NFIL3: variants seen among roughly 807,000 people sequenced by gnomAD.
The protein encoded by NFIL3 is nuclear factor interleukin-3-regulated protein.
Under a neutral mutation model 10.0 loss-of-function variants are expected in NFIL3, and 5 were observed. That is an observed-to-expected ratio of 0.50 (90% CI 0.26 to 1.06). The LOEUF is 1.06. NFIL3 is among the 50% of genes least tolerant of loss of function. The probability of loss-of-function intolerance (pLI) is 0.13; values close to 1 mark genes in which losing one functional copy is unlikely to be tolerated. For missense variants in NFIL3, 436 were observed against 547.6 expected (o/e 0.80, Z 2.03); for synonymous variants, 202 against 206.5 (o/e 0.98, Z 0.19).
chr9:91,480,043 A>T, the NFIL3 span, among the ~76,000 whole-genome samples: 1 of 150,696 alleles, frequency 6.6e-6, no homozygotes, highest in Non-Finnish European at 1.5e-5. Flanking sequence ...TGCAGAAATC[A>T]CCCACTCTCT....
At chr9:91,418,146 A>T (rs888967245) in intron 1 of NFIL3, among the ~76,000 whole-genome samples, 3 of 152,208 alleles carry the variant, frequency 2.0e-5, no homozygotes, top group African/African-American at 7.2e-5. Context: ...GAGTAAGCAC[A>T]TACACGCTAG....
the NFIL3 span, among the ~76,000 whole-genome samples, chr9:91,481,005 G>T: frequency 2.0e-5 from 3 of 152,142 alleles, no homozygotes; most frequent in Non-Finnish European, 2.9e-5. Flanking sequence ...CATGTTATTG[G>T]AGTACTTCCT....
intron 1 of NFIL3, among the ~76,000 whole-genome samples, chr9:91,412,806 C>T (rs1339489664): frequency 6.7e-6 from 1 of 149,922 alleles, no homozygotes; most frequent in African/African-American, 2.5e-5. Flanking sequence ...GAGCCAAGAT[C>T]GCGCCATTGC....
chr9:91,410,195 T>C lies in NFIL3; in HGVS notation c.540A>G (p.Lys180=). The C allele has an allele frequency of 6.2e-7, 1 of 1,614,142 alleles. No individual in the cohort carries two copies. Among genetic ancestry groups the C allele is most frequent in the Non-Finnish European group, 8.5e-7 (1 of 1,180,002 alleles). Residue 180 remains lysine, a synonymous_variant, in exon 2 of 2, where the codon AAA becomes AAG. Coordinates refer to ENST00000297689, the MANE Select transcript of NFIL3 (RefSeq NM_005384.3). The surrounding 1 kb of genome is among the most constrained non-coding windows in gnomAD (Gnocchi z 5.7). ...MVSSSCISVI[K]HSPQSSLSDV... The stretch of plus-strand genomic sequence containing the variant: ...CGGACAGCGAGCTTTGTGGAGAGTG[T>C]TTAATGACAGAAATACAACTACTTG...
At chr9:91,464,922 C>A in the NFIL3 span, among the ~76,000 whole-genome samples, 1 of 152,058 alleles carries the variant, frequency 6.6e-6, no homozygotes, top group East Asian at 1.9e-4. Flanking sequence ...TAGCGTTAAG[C>A]TGTATTTTTC....
chr9:91,429,427 A>T, the NFIL3 span, among the ~76,000 whole-genome samples: 1 of 152,216 alleles, frequency 6.6e-6, no homozygotes, highest in Non-Finnish European at 1.5e-5. Flanking sequence ...TGGCATTTGC[A>T]GCAAAGCAGC....
chr9:91,426,592 G>T (rs1833876360), upstream of NFIL3, among the ~76,000 whole-genome samples: 3 of 151,992 alleles, frequency 2.0e-5, no homozygotes, highest in South Asian at 6.2e-4. Flanking sequence ...GTGGATTGAG[G>T]GCAGGGGCAA....
the NFIL3 span, among the ~76,000 whole-genome samples, chr9:91,481,874 AAAT>A: frequency 3.9e-5 from 6 of 152,336 alleles, no homozygotes; most frequent in East Asian, 9.6e-4. Context: ...GTTTTGAAGA[AAAT>A]AATTACTAAC....
At chr9:91,457,518 C>T in the NFIL3 span, among the ~76,000 whole-genome samples, 9 of 151,922 alleles carry the variant, frequency 5.9e-5, 1 homozygote, top group African/African-American at 2.2e-4. Context: ...AGTTCAATTT[C>T]TCATTGTTCA....
upstream of NFIL3, among the ~76,000 whole-genome samples, chr9:91,428,303 T>C (rs924625383): frequency 2.0e-5 from 3 of 152,214 alleles, no homozygotes; most frequent in African/African-American, 7.2e-5. Flanking sequence ...ATTCAGATCA[T>C]TACTTCCTGG....
the NFIL3 span, among the ~76,000 whole-genome samples, chr9:91,464,253 T>C: frequency 6.6e-6 from 1 of 152,074 alleles, no homozygotes; most frequent in Non-Finnish European, 1.5e-5. Context: ...AGGTTTTAAC[T>C]GAGCATTTTA....
At chr9:91,478,220 C>G in the NFIL3 span, among the ~76,000 whole-genome samples, 25 of 152,144 alleles carry the variant, frequency 1.6e-4, no homozygotes, top group South Asian at 5.2e-3. Flanking sequence ...GGGAAGTTCT[C>G]CTGGATAATA....
chr9:91,472,895 A>G, the NFIL3 span, among the ~76,000 whole-genome samples: 1 of 152,128 alleles, frequency 6.6e-6, no homozygotes, highest in Admixed American at 6.5e-5. Flanking sequence ...TTTGGTGTGA[A>G]TGTCCTTTAT....
chr9:91,430,814 TA>T, the NFIL3 span, among the ~76,000 whole-genome samples: 1 of 152,076 alleles, frequency 6.6e-6, no homozygotes, highest in East Asian at 1.9e-4. Context: ...CCAGGCTAAT[TA>T]AAAAACATTT....
intron 1 of NFIL3, among the ~76,000 whole-genome samples, chr9:91,415,320 G>A (rs1189245353): frequency 6.6e-6 from 1 of 152,140 alleles, no homozygotes; most frequent in Non-Finnish European, 1.5e-5. Context: ...ACCACAGAAT[G>A]GGCACTGGGA....
chr9:91,422,284 A>C (rs1022976136), intron 1 of NFIL3, among the ~76,000 whole-genome samples: 1 of 152,196 alleles, frequency 6.6e-6, no homozygotes, highest in African/African-American at 2.4e-5. Flanking sequence ...TTGAACTTGT[A>C]TTTGCACACA....
the NFIL3 span, among the ~76,000 whole-genome samples, chr9:91,477,996 T>G: frequency 2.6e-5 from 4 of 152,206 alleles, no homozygotes; most frequent in African/African-American, 4.8e-5. Flanking sequence ...TTCTGGCTTG[T>G]AGGGTTTCTG....
chr9:91,441,622 A>G, the NFIL3 span, among the ~76,000 whole-genome samples: 3 of 152,000 alleles, frequency 2.0e-5, no homozygotes, highest in Non-Finnish European at 4.4e-5. Flanking sequence ...ATTTTCTGTA[A>G]TGCTAAGCTT....
the NFIL3 span, among the ~76,000 whole-genome samples, chr9:91,473,980 A>G: frequency 6.6e-6 from 1 of 152,160 alleles, no homozygotes; most frequent in South Asian, 2.1e-4. Context: ...TTCCAGAACA[A>G]TGTTGAATAG....
Sources: allele counts gnomAD v4.1 joint callset (sites outside exome capture counted in the v4.1 genomes callset), GRCh38; gene constraint gnomAD v4.1.1; non-coding constraint Gnocchi (gnomAD v3.1); transcripts MANE v1.5; gene names NCBI Gene and HGNC (gene_info 2026-07-23, HGNC 2026-07-21).